SPON1: variants seen among roughly 807,000 people sequenced by gnomAD.
The protein encoded by SPON1 is spondin 1.
SPON1 carries 52 observed loss-of-function variants against 111.7 expected under a neutral mutation model. That is an observed-to-expected ratio of 0.47 (90% CI 0.37 to 0.59). The LOEUF is 0.59. Among genes scored for constraint, SPON1 ranks in the 20% least tolerant of loss-of-function variants. SPON1 has a pLI of 0.00. For synonymous variants in SPON1, 410 were observed against 395.8 expected (o/e 1.04, Z -0.43); for missense variants, 957 against 1,068.5 (o/e 0.90, Z 1.46).
chr11:14,243,483 T>C lies in SPON1; in HGVS notation c.890+87T>C, dbSNP rs142773687. 1.1e-4 allele frequency: 127 copies of C among 1,140,544 alleles called. No homozygotes were observed. The African/African-American group carries it at 1.7e-3, about 15-fold the overall frequency. 70.7% of individuals were successfully genotyped at this position (1,140,544 alleles called of 1,614,324 possible). A position where few individuals can be genotyped will look rare whatever the true frequency, so the allele number is the denominator to read the frequency against. ...CCTAATGGCCACCACATACCAGTTATGCTGTTGAAGTTAGCACTACTTCTC... is the reference window on the plus strand; with the variant it reads ...CCTAATGGCCACCACATACCAGTTACGCTGTTGAAGTTAGCACTACTTCTC... On this transcript the variant is annotated intron_variant, in intron 7 of 15. Transcript: ENST00000576479.
At chr11:13,996,505 G>C (rs898037710) in intron 2 of SPON1, among the ~76,000 whole-genome samples, 5 of 152,274 alleles carry the variant, frequency 3.3e-5, no homozygotes, top group South Asian at 2.1e-4. Context: ...CTGAGTCTGG[G>C]AACCAGAGGT....
At chr11:14,091,446 C>T (rs960922133) in intron 5 of SPON1, among the ~76,000 whole-genome samples, 9 of 152,320 alleles carry the variant, frequency 5.9e-5, no homozygotes, top group African/African-American at 9.6e-5. Flanking sequence ...TCAGGCATGG[C>T]GGGCTGCAGG....
At chr11:14,253,728 T>A (rs1849076995) in intron 7 of SPON1, among the ~76,000 whole-genome samples, 1 of 152,214 alleles carries the variant, frequency 6.6e-6, no homozygotes, top group Admixed American at 6.5e-5. Context: ...CTCAGCCCCC[T>A]CCTAGCTGTG....
intron 3 of SPON1, among the ~76,000 whole-genome samples, chr11:14,066,896 G>A (rs1528644): frequency 6.6e-6 from 1 of 151,930 alleles, no homozygotes; most frequent in African/African-American, 2.4e-5. Context: ...AACCGTCAGT[G>A]TGGGAGCAAT....
In SPON1 at chr11:14,259,441, G is replaced by A. The variant is rs372189449; in HGVS notation, c.1654G>A (p.Glu552Lys). Residue 552 changes from glutamate (E) to lysine (K), a missense_variant, in exon 12 of 16, where the codon GAG (glutamate) becomes AAG (lysine). This residue lies in a region of SPON1 where 549 missense variants were observed against 606.2 expected (regional missense o/e 0.91). Transcript: ENST00000576479. This position sits in a 1 kb window ranked among gnomAD's most constrained non-coding sequence, Gnocchi z 5.0. ...GGAAACGGAGAAGTGCACGGTCAAC[G>A]AGGAGTGCTGTGAGTGGGGGCCCCG... is the stretch of plus-strand genomic sequence containing the variant. ...TEETEKCTVN[E>K]ECSPSSCLMT... The A allele has an allele frequency of 4.9e-5, 79 of 1,608,116 alleles. No homozygotes were observed. Among genetic ancestry groups the A allele is most frequent in the Non-Finnish European group, 2.5e-5 (30 of 1,177,718 alleles).
At chr11:14,264,460 A>G (rs187098838) in intron 15 of SPON1, among the ~76,000 whole-genome samples, 6 of 152,356 alleles carry the variant, frequency 3.9e-5, no homozygotes, top group African/African-American at 7.2e-5. Flanking sequence ...GAAGGTGCCC[A>G]TGTAAAAAAG....
intron 5 of SPON1, among the ~76,000 whole-genome samples, chr11:14,128,168 C>A (rs1847483410): frequency 6.6e-6 from 1 of 152,194 alleles, no homozygotes; most frequent in Admixed American, 6.5e-5. Flanking sequence ...AACAGTCCCC[C>A]AAAGTCTCAA....
intron 6 of SPON1, among the ~76,000 whole-genome samples, chr11:14,238,334 T>C (rs1205237602): frequency 6.6e-6 from 1 of 151,814 alleles, no homozygotes; most frequent in Non-Finnish European, 1.5e-5. Context: ...CAAAGGAATG[T>C]TTAGGATGAG....
At chr11:14,200,162 T>C (rs1848446604) in intron 6 of SPON1, among the ~76,000 whole-genome samples, 1 of 152,176 alleles carries the variant, frequency 6.6e-6, no homozygotes, top group Non-Finnish European at 1.5e-5. Context: ...CCCTCCCCTA[T>C]AAGATCATTT....
intron 6 of SPON1, among the ~76,000 whole-genome samples, chr11:14,225,410 C>CCT (rs76164354): frequency 0.01 from 1,530 of 152,132 alleles, 46 homozygotes; most frequent in East Asian, 0.081. Flanking sequence ...CAAACAGCAT[C>CCT]CTCTCTCCTT....
intron 6 of SPON1, among the ~76,000 whole-genome samples, chr11:14,221,310 A>G (rs1352833368): frequency 6.6e-6 from 1 of 152,122 alleles, no homozygotes; most frequent in Non-Finnish European, 1.5e-5. Context: ...TCTTCTCGAG[A>G]ATTCAGAAGG....
intron 2 of SPON1, among the ~76,000 whole-genome samples, chr11:14,021,237 A>G (rs115589494): frequency 6.6e-6 from 1 of 152,258 alleles, no homozygotes; most frequent in East Asian, 1.9e-4. Context: ...TGTTCACCAC[A>G]GTATATCATA....
At chr11:14,181,784 C>T (rs1554933707) in intron 6 of SPON1, among the ~76,000 whole-genome samples, 2 of 152,122 alleles carry the variant, frequency 1.3e-5, no homozygotes, top group Non-Finnish European at 2.9e-5. Flanking sequence ...CTCTTGACTC[C>T]TATTGTATTT....
Position 14,235,172 on chromosome 11 carries a change from C to T in SPON1, c.826-8160C>T, listed in dbSNP as rs1254251600. ...GGTCGATGAGTGTCACTTCACACTG[C>T]GCTGGCTCCATCCTAGGTCCAGGGA... On this transcript the variant is annotated intron_variant, in intron 6 of 15. Transcript: ENST00000576479. 5.3e-5 allele frequency among the ~76,000 whole-genome samples: 8 copies of T among 152,330 alleles called. No homozygotes were observed. The East Asian group carries it at 9.6e-4, about 18-fold the overall frequency.
Position 14,031,927 on chromosome 11 carries a change from C to A in SPON1, c.346-9594C>A, listed in dbSNP as rs183566466. Among the ~76,000 whole-genome samples, 284 of 152,248 alleles carry A rather than the reference C, an allele frequency of 1.9e-3. 1 individual carries two copies. The highest frequency in any genetic ancestry group is 0.017 in the Middle Eastern group (5 of 294). The stretch of plus-strand genomic sequence containing the variant: ...AAGTAGTTAGAAAGCCCTTCCTGGG[C>A]AGATTCAGCAATAATAAACTACATT... On this transcript the variant is annotated intron_variant, in intron 2 of 15. Transcript: ENST00000576479.
At position 14,156,111 on chromosome 11, in the gene SPON1, C is replaced by T. The variant is rs1554930367; in HGVS notation, c.825+20543C>T. ...TTGAACTAGTTTACAGTCCCACCAA[C>T]AGTGTAAAAGTGTTCCTATTTCTCC... On this transcript the variant is annotated intron_variant, in intron 6 of 15. Transcript: ENST00000576479. 2.4e-5 allele frequency among the ~76,000 whole-genome samples: 3 copies of T among 123,258 alleles called. 1 individual carries two copies. In the South Asian group the frequency reaches 8.4e-4, roughly 34 times the overall value. The allele number at this position is 123,258 out of a possible 152,430, so 80.9% of individuals were successfully genotyped here.
intron 2 of SPON1, among the ~76,000 whole-genome samples, chr11:14,017,306 TC>T (rs782339003): frequency 6.6e-6 from 1 of 152,132 alleles, no homozygotes; most frequent in Non-Finnish European, 1.5e-5. Context: ...ATTCTAAAGA[TC>T]CCCAGCTCTT....
rs1357367706 is a variant in SPON1, at chr11:14,267,788, T to TAAAG, written c.*2103_*2106dup. 3 of 152,202 alleles carry TAAAG rather than the reference T, an allele frequency of 2.0e-5. No individual in the cohort carries two copies. The highest frequency in any genetic ancestry group is 6.5e-5 in the Admixed American group (1 of 15,292). 9.4% of individuals were successfully genotyped at this position (152,202 alleles called of 1,614,324 possible). ...TTTGGCTAACAAATCATTTTGGAAA[T>TAAAG]AAAGATTTTTTACTACAAAAATGAA... On this transcript the variant is annotated 3_prime_UTR_variant, in exon 16 of 16. Transcript: ENST00000576479.
intron 5 of SPON1, among the ~76,000 whole-genome samples, chr11:14,105,612 ATCTT>A: frequency 6.6e-6 from 1 of 152,078 alleles, no homozygotes; most frequent in Non-Finnish European, 1.5e-5. Flanking sequence ...TTCTTAATTC[ATCTT>A]TCTTCTCTCG....
Sources: allele counts gnomAD v4.1 joint callset (sites outside exome capture counted in the v4.1 genomes callset), GRCh38; gene constraint gnomAD v4.1.1; regional missense constraint gnomAD v4.1.1; non-coding constraint Gnocchi (gnomAD v3.1); transcripts MANE v1.5; gene names NCBI Gene and HGNC (gene_info 2026-07-23, HGNC 2026-07-21).